The following SEMA6A variants were observed in gnomAD, a reference collection of about 807,000 sequenced individuals.
SEMA6A encodes semaphorin 6A, also known as semaphorin-6A.
In SEMA6A, 25 loss-of-function variants were observed where a neutral mutation model predicts 96.8. That is an observed-to-expected ratio of 0.26 (90% CI 0.19 to 0.36). The LOEUF (loss-of-function observed/expected upper bound fraction) is 0.36, where lower values mean the gene tolerates loss of function less well. Among genes scored for constraint, SEMA6A ranks in the 10% least tolerant of loss-of-function variants. The pLI is 1.00. For missense variants in SEMA6A, 1,363 were observed against 1,323.1 expected, an observed-to-expected ratio of 1.03 and a Z score of -0.47; for synonymous variants, 612 against 518.0, an observed-to-expected ratio of 1.18 and a Z score of -2.46.
intron 1 of SEMA6A, among the ~76,000 whole-genome samples, chr5:116,533,003 A>T (rs1759553624): frequency 6.6e-6 from 1 of 152,232 alleles, no homozygotes; most frequent in African/African-American, 2.4e-5. Context: ...GATCACAAAC[A>T]CATCTTAACT....
chr5:116,471,011 C>A (rs902145871), intron 17 of SEMA6A, among the ~76,000 whole-genome samples: 3 of 152,152 alleles, frequency 2.0e-5, no homozygotes, highest in Non-Finnish European at 4.4e-5. Context: ...TTTATTAACT[C>A]CAAAATTAAC....
At position 116,467,569 on chromosome 5, in the gene SEMA6A, T is replaced by C. The variant is rs1333714934; in HGVS notation, c.1894+14A>G. ...CCTCTCCCCCGAGAGGAAGAGGCAT[T>C]TCCAAGGCCTTACCCTTCTTGTCTT... On this transcript the variant is annotated intron_variant, in intron 18 of 18. Coordinates refer to ENST00000343348, the MANE Select transcript of SEMA6A (RefSeq NM_020796.5). The C allele has an allele frequency of 3.1e-6, 5 of 1,604,504 alleles. 1 individual carries two copies. The South Asian group carries it at 5.6e-5, about 18-fold the overall frequency.
rs1761125531 is a variant in SEMA6A, at chr5:116,569,455, C to CT, written c.-39+4729dup. Among the ~76,000 whole-genome samples, 3 of 151,950 alleles carry CT rather than the reference C, an allele frequency of 2.0e-5. No homozygotes were observed. The South Asian group carries it at 6.3e-4, about 32-fold the overall frequency. On this transcript the variant is annotated intron_variant, in intron 1 of 18. Coordinates refer to ENST00000343348, the MANE Select transcript of SEMA6A (RefSeq NM_020796.5). ...GCAAAGGCCATAGGAAGGACTTTGG[C>CT]TTTTATTGGAAGAAGATGGGAAAAC...
chr5:116,495,619 CT>C, intron 5 of SEMA6A, 105 bp from the exon 6 acceptor site: 1 of 733,562 alleles, frequency 1.4e-6, no homozygotes, highest in East Asian at 2.7e-5. Flanking sequence ...GTGGAGGTGG[CT>C]GAGGACTTCT....
At chr5:116,551,351 C>CACAT (rs929415009) in intron 1 of SEMA6A, among the ~76,000 whole-genome samples, 1 of 151,398 alleles carries the variant, frequency 6.6e-6, no homozygotes, top group African/African-American at 2.4e-5. Flanking sequence ...CACACACACA[C>CACAT]ATTCTCTTTG....
intron 1 of SEMA6A, among the ~76,000 whole-genome samples, chr5:116,572,196 TAAAG>T (rs1761244111): frequency 6.6e-6 from 1 of 152,108 alleles, no homozygotes; most frequent in South Asian, 2.1e-4. Flanking sequence ...AGATCTGAGG[TAAAG>T]AAAGTTGTGC....
chr5:116,512,383 G>C (rs1758450088), intron 1 of SEMA6A, among the ~76,000 whole-genome samples: 1 of 152,126 alleles, frequency 6.6e-6, no homozygotes, highest in South Asian at 2.1e-4. Context: ...CAGCCATTAA[G>C]AGAGACATAA....
intron 16 of SEMA6A, 138 bp downstream of exon 16, chr5:116,475,407 A>G: frequency 1.8e-6 from 1 of 547,974 alleles, no homozygotes; most frequent in Non-Finnish European, 3.2e-6. Flanking sequence ...TTTGTTTGGT[A>G]TTTAGAAGAT....
chr5:116,543,657 A>C (rs927984623), intron 1 of SEMA6A, among the ~76,000 whole-genome samples: 8 of 152,242 alleles, frequency 5.3e-5, no homozygotes, highest in Non-Finnish European at 8.8e-5. Context: ...GACTAGTTGC[A>C]TGACCCTTCA....
chr5:116,491,108 A>G (rs574592497), intron 7 of SEMA6A, among the ~76,000 whole-genome samples: 2 of 152,270 alleles, frequency 1.3e-5, no homozygotes, highest in African/African-American at 4.8e-5. Context: ...AATCAGGTCA[A>G]TGATATTTGA....
At chr5:116,563,336 C>T (rs1170712615) in intron 1 of SEMA6A, among the ~76,000 whole-genome samples, 1 of 152,100 alleles carries the variant, frequency 6.6e-6, no homozygotes, top group African/African-American at 2.4e-5. Flanking sequence ...TCAAATACTC[C>T]ACACCACTTA....
chr5:116,551,827 TACA>T (rs1760425923), intron 1 of SEMA6A, among the ~76,000 whole-genome samples: 1 of 152,250 alleles, frequency 6.6e-6, no homozygotes, highest in Non-Finnish European at 1.5e-5. Flanking sequence ...ACAGATGTGC[TACA>T]ACAACATCAA....
chr5:116,530,572 TA>T (rs1403974047), intron 1 of SEMA6A, among the ~76,000 whole-genome samples: 2 of 152,284 alleles, frequency 1.3e-5, no homozygotes, highest in South Asian at 4.1e-4. Context: ...AAGCTTTTTT[TA>T]AGAGAAAAAA....
At chr5:116,560,526 G>C (rs1311929554) in intron 1 of SEMA6A, among the ~76,000 whole-genome samples, 1 of 151,320 alleles carries the variant, frequency 6.6e-6, no homozygotes, top group Non-Finnish European at 1.5e-5. Flanking sequence ...ATCCACTTAG[G>C]TTGTGCCATG....
intron 12 of SEMA6A, among the ~76,000 whole-genome samples, chr5:116,479,231 T>C (rs896866918): frequency 4.6e-5 from 7 of 152,166 alleles, no homozygotes; most frequent in Non-Finnish European, 7.3e-5. Flanking sequence ...TACTAAAAAC[T>C]GTAAGGACCT....
intron 1 of SEMA6A, among the ~76,000 whole-genome samples, chr5:116,566,563 T>G (rs1761036132): frequency 6.6e-6 from 1 of 152,220 alleles, no homozygotes; most frequent in African/African-American, 2.4e-5. Context: ...TATTTCCTAG[T>G]TGAAAATAAC....
chr5:116,453,139 T>C (rs17139826), intron 18 of SEMA6A, among the ~76,000 whole-genome samples: 14,868 of 152,134 alleles, frequency 0.098, 1,446 homozygotes, highest in African/African-American at 0.25. Flanking sequence ...TAGTGAGTAA[T>C]AGCAAATGGT....
intron 1 of SEMA6A, among the ~76,000 whole-genome samples, chr5:116,544,809 C>T (rs1388781875): frequency 6.6e-6 from 1 of 152,192 alleles, no homozygotes; most frequent in South Asian, 2.1e-4. Flanking sequence ...ATTTACATAC[C>T]ACTGTTAAAT....
At chr5:116,562,737 T>C (rs1760869789) in intron 1 of SEMA6A, 3 of 733,246 alleles carry the variant, frequency 4.1e-6, no homozygotes, top group African/African-American at 3.5e-5. Flanking sequence ...ACTGGTGGGA[T>C]GAAGGTGAAG....
Sources: allele counts gnomAD v4.1 joint callset (sites outside exome capture counted in the v4.1 genomes callset), GRCh38; gene constraint gnomAD v4.1.1; transcripts MANE v1.5; gene names NCBI Gene and HGNC (gene_info 2026-07-23, HGNC 2026-07-21).